AAK1: variants seen among roughly 807,000 people sequenced by gnomAD.
AAK1 encodes the protein AP2-associated protein kinase 1.
A neutral mutation model predicts 116.0 loss-of-function variants in AAK1; 37 were observed. The ratio of observed to expected loss-of-function variants is 0.32; its 90% CI spans 0.25 to 0.42. The LOEUF (loss-of-function observed/expected upper bound fraction) is 0.42, where lower values mean the gene tolerates loss of function less well. AAK1 is among the 10% of genes least tolerant of loss of function. AAK1 has a pLI of 1.00. For missense variants in AAK1, 919 were observed against 1,170.6 expected (o/e 0.79, Z 3.14); for synonymous variants, 458 against 439.9 (o/e 1.04, Z -0.51).
chr2:69,538,960 G>C (rs1350917073), intron 5 of AAK1, among the ~76,000 whole-genome samples: 1 of 152,152 alleles, frequency 6.6e-6, no homozygotes, highest in Non-Finnish European at 1.5e-5. Context: ...AGGATCCTCT[G>C]TGTCCCTCTG....
intron 11 of AAK1, 91 bp from the exon 12 acceptor site, chr2:69,519,331 C>T: frequency 3.5e-6 from 5 of 1,448,094 alleles, no homozygotes; most frequent in Non-Finnish European, 4.6e-6. Flanking sequence ...TAGGGGGTGA[C>T]AAGTGTGCAG....
chr2:69,477,133 T>C, intron 20 of AAK1, 143 bp from the exon 21 acceptor site: 1 of 541,528 alleles, frequency 1.8e-6, no homozygotes, highest in Non-Finnish European at 3.1e-6. Context: ...TGAGTTGAAA[T>C]AAAAATAGCA....
chr2:69,503,466 T>C (rs1206107462), intron 16 of AAK1, among the ~76,000 whole-genome samples: 1 of 152,196 alleles, frequency 6.6e-6, no homozygotes, highest in Non-Finnish European at 1.5e-5. Flanking sequence ...AAAGATGCAA[T>C]TGGTTAAATA....
intron 14 of AAK1, among the ~76,000 whole-genome samples, chr2:69,508,517 A>C (rs1676273370): frequency 1.3e-5 from 2 of 152,266 alleles, no homozygotes; most frequent in African/African-American, 4.8e-5. Context: ...CAGGCACAGA[A>C]CCAGTCACTG....
chr2:69,483,123 T>C (rs1296457104), intron 17 of AAK1, among the ~76,000 whole-genome samples: 3 of 152,178 alleles, frequency 2.0e-5, no homozygotes, highest in African/African-American at 7.2e-5. Context: ...GTGTACAATG[T>C]GGTTAGTCTG....
intron 2 of AAK1, among the ~76,000 whole-genome samples, chr2:69,557,466 T>C (rs946446100): frequency 6.6e-6 from 1 of 152,044 alleles, no homozygotes; most frequent in African/African-American, 2.4e-5. Context: ...CACTCCTGGC[T>C]AATTTTTATA....
intron 16 of AAK1, among the ~76,000 whole-genome samples, chr2:69,504,554 G>T (rs1475045470): frequency 6.6e-6 from 1 of 152,092 alleles, no homozygotes; most frequent in Non-Finnish European, 1.5e-5. Context: ...GATCACCTGA[G>T]ATCAGGAGTT....
intron 17 of AAK1, among the ~76,000 whole-genome samples, chr2:69,493,096 T>C (rs1191725739): frequency 7.2e-6 from 1 of 138,028 alleles, no homozygotes; most frequent in African/African-American, 2.7e-5. Flanking sequence ...GAGGCGGAGC[T>C]TGCAGTGAGC....
intron 5 of AAK1, 53 bp downstream of exon 5, chr2:69,542,470 G>C: frequency 1.2e-6 from 2 of 1,603,310 alleles, no homozygotes. Context: ...CATCCCTGGG[G>C]CAGACAGAAA....
At chr2:69,560,674 T>C (rs1671595639) in intron 2 of AAK1, among the ~76,000 whole-genome samples, 1 of 152,182 alleles carries the variant, frequency 6.6e-6, no homozygotes, top group African/African-American at 2.4e-5. Flanking sequence ...AGAAAACACG[T>C]TTTCTCCCAT....
intron 2 of AAK1, among the ~76,000 whole-genome samples, chr2:69,560,179 T>C (rs1671573713): frequency 6.6e-6 from 1 of 152,238 alleles, no homozygotes; most frequent in Admixed American, 6.5e-5. Context: ...AGTCTAAAGA[T>C]GTTGGTCACT....
chr2:69,581,693 T>G (rs1672554194), intron 2 of AAK1, among the ~76,000 whole-genome samples: 1 of 152,184 alleles, frequency 6.6e-6, no homozygotes, highest in African/African-American at 2.4e-5. Flanking sequence ...AGATCTTTTT[T>G]GGGCTGGGCA....
At chr2:69,621,627 T>G (rs1674630850) in intron 2 of AAK1, among the ~76,000 whole-genome samples, 1 of 152,190 alleles carries the variant, frequency 6.6e-6, no homozygotes, top group African/African-American at 2.4e-5. Flanking sequence ...GCCACAAGGT[T>G]TTGGGGTGGT....
chr2:69,586,457 A>G (rs1672767938), intron 2 of AAK1, among the ~76,000 whole-genome samples: 1 of 152,208 alleles, frequency 6.6e-6, no homozygotes, highest in African/African-American at 2.4e-5. Context: ...GACAATATTC[A>G]AAAGGCTTAA....
intron 2 of AAK1, among the ~76,000 whole-genome samples, chr2:69,563,128 C>T (rs1435759464): frequency 6.6e-6 from 1 of 152,132 alleles, no homozygotes; most frequent in Non-Finnish European, 1.5e-5. Context: ...CCATGATATT[C>T]AATTCAGCAA....
At chr2:69,476,678 C>A (rs1674870132) in intron 21 of AAK1, among the ~76,000 whole-genome samples, 1 of 152,180 alleles carries the variant, frequency 6.6e-6, no homozygotes, top group African/African-American at 2.4e-5. Context: ...TTAAAGACTT[C>A]TCTCTAAATA....
chr2:69,583,672 A>G (rs1672638429), intron 2 of AAK1, among the ~76,000 whole-genome samples: 1 of 152,176 alleles, frequency 6.6e-6, no homozygotes, highest in Non-Finnish European at 1.5e-5. Flanking sequence ...TAGTGGGTCC[A>G]AAGACTCACT....
intron 2 of AAK1, among the ~76,000 whole-genome samples, chr2:69,589,708 C>CAAAAAAAAAAAA (rs762986666): frequency 1.2e-4 from 7 of 58,608 alleles, no homozygotes; most frequent in East Asian, 3.9e-4. Flanking sequence ...AACTCTGTCT[C>CAAAAAAAAAAAA]AAAAAAAAAA....
Position 69,480,911 on chromosome 2 carries a change from C to T in AAK1, c.2518G>A (p.Val840Ile). 2 of 1,607,534 alleles carry T rather than the reference C, an allele frequency of 1.2e-6. No homozygotes were observed. Among genetic ancestry groups the T allele is most frequent in the Non-Finnish European group, 1.7e-6 (2 of 1,177,560 alleles). ...ESLIPGLEPP[V>I]PQRLPSQTES... The stretch of plus-strand genomic sequence containing the variant: ...GTCTGAGATGGGAGGCGCTGGGGAA[C>T]TGGGGGCTCCAGTCCTGGTATGAGA... The change falls in exon 19 of 22, where the codon GTT becomes ATT. Residue 840 changes from valine (V) to isoleucine (I), a missense_variant. By Grantham distance (29) the Val-to-Ile change is conservative (BLOSUM62 3). Coordinates refer to ENST00000409085, the MANE Select transcript of AAK1 (RefSeq NM_014911.5).
Sources: allele counts gnomAD v4.1 joint callset (sites outside exome capture counted in the v4.1 genomes callset), GRCh38; gene constraint gnomAD v4.1.1; transcripts MANE v1.5; gene names NCBI Gene and HGNC (gene_info 2026-07-23, HGNC 2026-07-21).